Variants in BLTP1 observed in about 807,000 individuals in gnomAD.
BLTP1 encodes the protein fragile site-associated protein.
the BLTP1 span, among the ~76,000 whole-genome samples, chr4:122,267,306 G>T: frequency 2.0e-5 from 3 of 151,872 alleles, no homozygotes; most frequent in Non-Finnish European, 4.4e-5. Context: ...TGATCCACCC[G>T]CCTCGGCCTC....
chr4:122,345,141 A>G, the BLTP1 span: 1 of 618,212 alleles, frequency 1.6e-6, no homozygotes, highest in Non-Finnish European at 2.0e-6. Context: ...CTGAAAATAT[A>G]TATTAAGCCT....
At chr4:122,286,622 C>T in the BLTP1 span, 1 of 1,614,068 alleles carries the variant, frequency 6.2e-7, no homozygotes, top group Non-Finnish European at 8.5e-7. Flanking sequence ...GATATGTCAA[C>T]CATTCCTCCT....
the BLTP1 span, chr4:122,174,481 A>G: frequency 6.5e-7 from 1 of 1,534,556 alleles, no homozygotes; most frequent in Non-Finnish European, 8.8e-7. Flanking sequence ...TGCTTATTGA[A>G]TAAATTTAGT....
the BLTP1 span, among the ~76,000 whole-genome samples, chr4:122,176,300 C>T: frequency 6.8e-6 from 1 of 148,018 alleles, no homozygotes; most frequent in Non-Finnish European, 1.5e-5. Flanking sequence ...GATACTCTGT[C>T]TCAAAAAAAA....
the BLTP1 span, among the ~76,000 whole-genome samples, chr4:122,278,105 T>A: frequency 6.6e-6 from 1 of 152,138 alleles, no homozygotes; most frequent in African/African-American, 2.4e-5. Flanking sequence ...ACATAAAAAT[T>A]TTTAAGTCGT....
the BLTP1 span, among the ~76,000 whole-genome samples, chr4:122,274,961 T>C: frequency 6.6e-6 from 1 of 152,172 alleles, no homozygotes; most frequent in Non-Finnish European, 1.5e-5. Flanking sequence ...CTTTCTGCAA[T>C]GAGTTTTGGC....
chr4:122,359,839 G>T, the BLTP1 span: 21 of 1,429,714 alleles, frequency 1.5e-5, no homozygotes, highest in Non-Finnish European at 1.8e-5. Context: ...TTAGTCTCCT[G>T]TAATGTCTAT....
At chr4:122,178,534 A>G in the BLTP1 span, among the ~76,000 whole-genome samples, 1 of 152,230 alleles carries the variant, frequency 6.6e-6, no homozygotes, top group African/African-American at 2.4e-5. Flanking sequence ...TATAACAGCT[A>G]TGATAAGATA....
At chr4:122,338,326 A>C in the BLTP1 span, among the ~76,000 whole-genome samples, 1 of 152,058 alleles carries the variant, frequency 6.6e-6, no homozygotes, top group East Asian at 1.9e-4. Context: ...AAATAAAATT[A>C]GCGAGGCGTG....
chr4:122,225,087 G>A, the BLTP1 span: 3 of 853,414 alleles, frequency 3.5e-6, no homozygotes, highest in Non-Finnish European at 4.3e-6. Context: ...GTTTAAAGTA[G>A]GATTTGAAAG....
the BLTP1 span, chr4:122,336,259 G>A: frequency 6.2e-6 from 10 of 1,612,486 alleles, no homozygotes; most frequent in Admixed American, 6.7e-5. Context: ...TTCAGTCATT[G>A]CCAGAAGAAA....
chr4:122,298,495 G>A, the BLTP1 span: 2 of 201,388 alleles, frequency 9.9e-6, no homozygotes, highest in Non-Finnish European at 1.8e-5. Flanking sequence ...CTGTATTTCA[G>A]AGTAGAAATT....
chr4:122,344,043 A>G, the BLTP1 span: 1 of 958,694 alleles, frequency 1.0e-6, no homozygotes, highest in Non-Finnish European at 1.2e-6. Context: ...CACTTTGAAG[A>G]GCAGATAAAA....
chr4:122,153,985 G>A, the BLTP1 span: 122 of 984,576 alleles, frequency 1.2e-4, no homozygotes, highest in Non-Finnish European at 1.4e-4. Context: ...CGTAAAGCCA[G>A]AATACCTTGT....
At chr4:122,301,470 G>T in the BLTP1 span, 5 of 794,478 alleles carry the variant, frequency 6.3e-6, no homozygotes, top group South Asian at 1.2e-4. Context: ...TAGAAAATTT[G>T]TATCTTACAT....
the BLTP1 span, chr4:122,281,791 A>T: frequency 2.0e-6 from 3 of 1,491,636 alleles, no homozygotes; most frequent in African/African-American, 2.9e-5. Context: ...TTGAATTCTG[A>T]ATTCACTCTC....
the BLTP1 span, chr4:122,309,171 G>T: frequency 6.8e-7 from 1 of 1,472,906 alleles, no homozygotes; most frequent in African/African-American, 1.4e-5. Flanking sequence ...AGGCTTGACC[G>T]TTTCTAGATT....
the BLTP1 span, among the ~76,000 whole-genome samples, chr4:122,179,097 A>G: frequency 3.8e-4 from 58 of 152,126 alleles, no homozygotes; most frequent in African/African-American, 1.3e-3. Flanking sequence ...ATACAACATT[A>G]GCAAGACCAT....
chr4:122,267,069 T>TTTTTTTTG, the BLTP1 span: 1 of 480,648 alleles, frequency 2.1e-6, no homozygotes, highest in Non-Finnish European at 3.4e-6. Context: ...TTTTTTTTTT[T>TTTTTTTTG]TTTTTTTGAG....
Sources: allele counts gnomAD v4.1 joint callset (sites outside exome capture counted in the v4.1 genomes callset), GRCh38; gene constraint gnomAD v4.1.1; transcripts MANE v1.5; gene names NCBI Gene and HGNC (gene_info 2026-07-23, HGNC 2026-07-21).